The following ENOX1 variants were observed in gnomAD, a reference collection of about 807,000 sequenced individuals.
The protein encoded by ENOX1 is candidate growth-related and time keeping constitutive hydroquinone (NADH) oxidase.
In ENOX1, 42 loss-of-function variants were observed where a neutral mutation model predicts 82.5. That is an observed-to-expected ratio of 0.51 (90% CI 0.40 to 0.66). ENOX1 has a LOEUF of 0.66. ENOX1 is among the 30% of genes least tolerant of loss of function. ENOX1 has a pLI of 0.00. For synonymous variants in ENOX1, 271 were observed against 282.2 expected, an observed-to-expected ratio of 0.96 and a Z score of 0.40; for missense variants, 608 against 811.6, an observed-to-expected ratio of 0.75 and a Z score of 3.05.
At chr13:43,678,296 G>T (rs1023685050) in intron 1 of ENOX1, among the ~76,000 whole-genome samples, 1 of 152,042 alleles carries the variant, frequency 6.6e-6, no homozygotes, top group African/African-American at 2.4e-5. Context: ...TAAAAAATAT[G>T]ATCTTAAACT....
In ENOX1 at chr13:43,679,039, C is replaced by A. The variant is rs144214712; in HGVS notation, c.-284-11495G>T. On this transcript the variant is annotated intron_variant, in intron 1 of 16. Transcript: ENST00000690772. The stretch of plus-strand genomic sequence containing the variant: ...AAAAAAAATTTCCAGGGAATTGAAG[C>A]TCACTCTTTTAGGCACTAATACTCT... Among the ~76,000 whole-genome samples the A allele has an allele frequency of 3.3e-5, 5 of 152,198 alleles. No homozygotes were observed. In the East Asian group the frequency reaches 7.7e-4, roughly 24 times the overall value.
In ENOX1 at chr13:43,755,322, T is replaced by A. The variant is rs58674823; in HGVS notation, c.-285+31330A>T. 2.2e-4 allele frequency among the ~76,000 whole-genome samples: 33 copies of A among 152,150 alleles called. 1 individual carries two copies. The highest frequency in any genetic ancestry group is 8.0e-4 in the African/African-American group (33 of 41,498). The stretch of plus-strand genomic sequence containing the variant: ...AGAAATAGACACCAGGAGAAAAACA[T>A]ACAGAAATAACATCAAAGAGTGAAA... On this transcript the variant is annotated intron_variant, in intron 1 of 16. Coordinates refer to ENST00000690772, the MANE Select transcript of ENOX1 (RefSeq NM_001347969.2).
chr13:43,471,117 T>C (rs4627218), intron 3 of ENOX1, among the ~76,000 whole-genome samples: 96,738 of 152,012 alleles, frequency 0.64, 30,978 homozygotes, highest in African/African-American at 0.69. Context: ...GATAAACAAA[T>C]TGGTAAAATG....
Position 43,224,063 on chromosome 13 carries a change from A to T in ENOX1, c.1790T>A (p.Leu597Gln). 1 of 1,613,732 alleles carries T rather than the reference A, an allele frequency of 6.2e-7. No homozygotes were observed. Among genetic ancestry groups the T allele is most frequent in the Non-Finnish European group, 8.5e-7 (1 of 1,179,654 alleles). ...AGCAAAATAATTTACCTTGGAGTCC[A>T]GCTGCTGCATGTATGACCAAAGATA... ...IEYLWSYMQQ[L>Q]DSKISANEIE... is the part of the protein sequence containing the mutation. Residue 597 changes from leucine to glutamine, a missense_variant, in exon 16 of 17, where the codon CTG becomes CAG. Leu to Gln is a moderately radical substitution (Grantham distance 113, BLOSUM62 -2). Transcript: ENST00000690772.
intron 1 of ENOX1, among the ~76,000 whole-genome samples, chr13:43,764,242 T>TG (rs915238322): frequency 5.3e-5 from 8 of 152,320 alleles, no homozygotes; most frequent in African/African-American, 1.9e-4. Context: ...GTCACAACCC[T>TG]GAAACATCTA....
intron 2 of ENOX1, among the ~76,000 whole-genome samples, chr13:43,512,370 G>C (rs1386282663): frequency 6.6e-6 from 1 of 151,994 alleles, no homozygotes; most frequent in South Asian, 2.1e-4. Context: ...CTCAAGTGAT[G>C]GGTGAACAAA....
intron 1 of ENOX1, among the ~76,000 whole-genome samples, chr13:43,733,408 G>C (rs566626540): frequency 6.6e-6 from 1 of 152,292 alleles, no homozygotes; most frequent in South Asian, 2.1e-4. Context: ...AGAACTGAAA[G>C]ATAATAACCT....
chr13:43,286,570 G>A (rs2045712599), intron 12 of ENOX1, among the ~76,000 whole-genome samples: 1 of 152,046 alleles, frequency 6.6e-6, no homozygotes, highest in African/African-American at 2.4e-5. Context: ...CATTATTTTT[G>A]CCCCTGGCTC....
intron 16 of ENOX1, among the ~76,000 whole-genome samples, chr13:43,216,434 T>C (rs771071949): frequency 6.6e-6 from 1 of 152,228 alleles, no homozygotes; most frequent in Non-Finnish European, 1.5e-5. Flanking sequence ...GGAATATTGA[T>C]AGAAAATGAC....
chr13:43,752,995 G>A (rs1950405965), intron 1 of ENOX1, among the ~76,000 whole-genome samples: 4 of 151,988 alleles, frequency 2.6e-5, no homozygotes, highest in African/African-American at 7.3e-5. Context: ...GAGTAGCTGG[G>A]ATTACAGGCA....
intron 16 of ENOX1, among the ~76,000 whole-genome samples, chr13:43,219,919 C>T (rs530543284): frequency 6.6e-6 from 1 of 152,362 alleles, no homozygotes; most frequent in African/African-American, 2.4e-5. Flanking sequence ...GAAAACCAGA[C>T]TTCCTTCCAT....
intron 11 of ENOX1, among the ~76,000 whole-genome samples, chr13:43,319,572 A>G (rs1351255991): frequency 2.0e-5 from 3 of 152,178 alleles, no homozygotes; most frequent in Non-Finnish European, 4.4e-5. Context: ...GCCCCCCAAA[A>G]TAAAACCCAT....
At chr13:43,748,963 A>G (rs1950168959) in intron 1 of ENOX1, among the ~76,000 whole-genome samples, 1 of 152,154 alleles carries the variant, frequency 6.6e-6, no homozygotes, top group African/African-American at 2.4e-5. Context: ...TAAGTTACTT[A>G]ATTTCTCTGA....
chr13:43,779,273 T>C (rs1256468090), intron 1 of ENOX1, among the ~76,000 whole-genome samples: 7 of 152,064 alleles, frequency 4.6e-5, no homozygotes, highest in Admixed American at 3.3e-4. Flanking sequence ...AGTTATTTAT[T>C]TGGGGAGGGG....
At chr13:43,418,401 G>A (rs2054764064) in intron 3 of ENOX1, among the ~76,000 whole-genome samples, 1 of 152,112 alleles carries the variant, frequency 6.6e-6, no homozygotes, top group Non-Finnish European at 1.5e-5. Context: ...GGTGGTGCAT[G>A]CTTGTAATCC....
chr13:43,418,810 A>G (rs1311085354), intron 3 of ENOX1, among the ~76,000 whole-genome samples: 1 of 152,234 alleles, frequency 6.6e-6, no homozygotes, highest in Non-Finnish European at 1.5e-5. Context: ...TCTCATACCA[A>G]TTTCATAACT....
chr13:43,672,473 C>T (rs879550804), intron 1 of ENOX1, among the ~76,000 whole-genome samples: 6 of 152,096 alleles, frequency 3.9e-5, no homozygotes, highest in Non-Finnish European at 5.9e-5. Flanking sequence ...TATGTCCATA[C>T]GAAGGCTTCT....
rs118110074 is a variant in ENOX1 at position 43,726,623 on chromosome 13, T to C, written c.-284-59079A>G. 1.8e-3 allele frequency among the ~76,000 whole-genome samples: 271 copies of C among 152,248 alleles called. 1 individual carries two copies. Among genetic ancestry groups the C allele is most frequent in the East Asian group, 0.014 (73 of 5,188 alleles). ...CTCACTCAACAAATACACACATGCC[T>C]GAAGGAGAAGAATTGGCCTCGATGG... is the stretch of plus-strand genomic sequence containing the variant. On this transcript the variant is annotated intron_variant, in intron 1 of 16. Transcript: ENST00000690772.
chr13:43,783,430 C>A (rs1041615308), intron 1 of ENOX1, among the ~76,000 whole-genome samples: 4 of 151,994 alleles, frequency 2.6e-5, no homozygotes, highest in African/African-American at 9.7e-5. Flanking sequence ...AAAGAATAAT[C>A]AAGGAGAGAA....
Sources: gnomAD v4.1 joint callset for allele counts (sites outside exome capture counted in the v4.1 genomes callset) on GRCh38, gnomAD v4.1.1 for gene constraint, MANE v1.5 for transcripts, NCBI Gene and HGNC (gene_info 2026-07-23, HGNC 2026-07-21) for gene names.